The following VAT1L variants were observed in gnomAD, a reference collection of about 807,000 sequenced individuals.
VAT1L encodes vesicle amine transport 1 like.
Under a neutral mutation model 44.1 loss-of-function variants are expected in VAT1L, and 34 were observed. The observed-to-expected ratio is 0.77, with a 90% CI of 0.59 to 1.03. The LOEUF (loss-of-function observed/expected upper bound fraction) is 1.03. VAT1L is among the 50% of genes least tolerant of loss of function. The pLI is 0.00. For missense variants in VAT1L, 615 were observed against 538.8 expected, an observed-to-expected ratio of 1.14 and a Z score of -1.40; for synonymous variants, 253 against 202.2, an observed-to-expected ratio of 1.25 and a Z score of -2.13.
chr16:77,971,890 T>C lies in VAT1L; in HGVS notation c.1118T>C (p.Ile373Thr), dbSNP rs566884974. The C allele has an allele frequency of 2.8e-5, 45 of 1,613,794 alleles. No homozygotes were observed. Among genetic ancestry groups the C allele is most frequent in the Admixed American group, 3.3e-5 (2 of 59,978 alleles). ...AMQRIHDRGN[I>T]GKLILDVEKT... ...CAGCGGATTCACGACCGAGGGAACA[T>C]TGGCAAGTTAATTCTGGATGTAGAA... Residue 373 changes from isoleucine (I) to threonine (T), a missense_variant, in exon 8 of 9, where the codon ATT becomes ACT. Ile to Thr is a moderately conservative substitution (Grantham distance 89, BLOSUM62 -1). Coordinates refer to ENST00000302536, the MANE Select transcript of VAT1L (RefSeq NM_020927.3).
chr16:77,850,801 G>T (rs1393546774), intron 3 of VAT1L, among the ~76,000 whole-genome samples: 1 of 152,142 alleles, frequency 6.6e-6, no homozygotes, highest in African/African-American at 2.4e-5. Context: ...TGCACTACAT[G>T]GAAGGCAGCC....
At chr16:77,881,683 T>C (rs2017157188) in intron 6 of VAT1L, among the ~76,000 whole-genome samples, 1 of 152,228 alleles carries the variant, frequency 6.6e-6, no homozygotes, top group South Asian at 2.1e-4. Flanking sequence ...TCTTTGCATT[T>C]GGGCTTTAAA....
intron 2 of VAT1L, among the ~76,000 whole-genome samples, chr16:77,820,815 C>T (rs3909915): frequency 0.018 from 2,790 of 152,244 alleles, 91 homozygotes; most frequent in African/African-American, 0.061. Context: ...AGGCACTTAG[C>T]GCAGATTCAG....
At chr16:77,912,718 C>T (rs1267618526) in intron 7 of VAT1L, among the ~76,000 whole-genome samples, 2 of 152,168 alleles carry the variant, frequency 1.3e-5, no homozygotes, top group African/African-American at 4.8e-5. Flanking sequence ...TTGCCTTAGT[C>T]TGCTCAAGAT....
At chr16:77,801,962 G>A (rs1233556637) in intron 1 of VAT1L, among the ~76,000 whole-genome samples, 1 of 152,050 alleles carries the variant, frequency 6.6e-6, no homozygotes, top group Admixed American at 6.5e-5. Context: ...GATGCATGAC[G>A]CAGCCATCCA....
chr16:77,905,912 C>T (rs1035910678), intron 7 of VAT1L, among the ~76,000 whole-genome samples: 3 of 152,190 alleles, frequency 2.0e-5, no homozygotes, highest in African/African-American at 7.2e-5. Flanking sequence ...CTTATATTTA[C>T]TCCAGACTTA....
At chr16:77,891,043 A>G (rs968785676) in intron 7 of VAT1L, among the ~76,000 whole-genome samples, 4 of 151,920 alleles carry the variant, frequency 2.6e-5, no homozygotes, top group Non-Finnish European at 4.4e-5. Flanking sequence ...AGCTAATTTA[A>G]ATTAGGTCAA....
chr16:77,847,591 G>A lies in VAT1L; in HGVS notation c.580-15157G>A, dbSNP rs2145265050. Among the ~76,000 whole-genome samples, 4 of 152,326 alleles carry A rather than the reference G, an allele frequency of 2.6e-5. No individual in the cohort carries two copies. In the South Asian group the frequency reaches 8.3e-4, roughly 32 times the overall value. ...AGTGTGACGTGCAATACCACTTGCT[G>A]TGAGTACTAAATTGAGGCTGTTGCC... On this transcript the variant is annotated intron_variant, in intron 3 of 8. Transcript: ENST00000302536.
At chr16:77,834,352 G>T (rs1597057724) in intron 3 of VAT1L, among the ~76,000 whole-genome samples, 1 of 152,302 alleles carries the variant, frequency 6.6e-6, no homozygotes, top group African/African-American at 2.4e-5. Flanking sequence ...ATAAGCAGCT[G>T]CCCAGCCAGA....
At chr16:77,853,121 T>C (rs1357635003) in intron 3 of VAT1L, among the ~76,000 whole-genome samples, 2 of 152,178 alleles carry the variant, frequency 1.3e-5, no homozygotes, top group Non-Finnish European at 2.9e-5. Context: ...ATTGTCATCT[T>C]CCCAGTCACT....
chr16:77,898,112 C>G (rs2017343750), intron 7 of VAT1L, among the ~76,000 whole-genome samples: 1 of 152,170 alleles, frequency 6.6e-6, no homozygotes, highest in Admixed American at 6.5e-5. Context: ...CACATCACCT[C>G]TATCTCTGCC....
At position 77,926,033 on chromosome 16, in the gene VAT1L, C is replaced by T. The variant is rs12445559; in HGVS notation, c.1077+41231C>T. Among the ~76,000 whole-genome samples the T allele has an allele frequency of 3.4e-3, 523 of 151,734 alleles. 16 individuals carry two copies. The highest frequency in any genetic ancestry group is 0.028 in the Admixed American group (422 of 15,074). On this transcript the variant is annotated intron_variant, in intron 7 of 8. Coordinates refer to ENST00000302536, the MANE Select transcript of VAT1L (RefSeq NM_020927.3). ...ATCCTAGCACTTTGGGAGGCCGAGG[C>T]GGGTGGGTCACGAGGTCAGGAGATC...
chr16:77,798,873 C>G (rs562347463), intron 1 of VAT1L, among the ~76,000 whole-genome samples: 1 of 152,166 alleles, frequency 6.6e-6, no homozygotes, highest in East Asian at 1.9e-4. Flanking sequence ...AGGCCACCCC[C>G]TTACTCCCTC....
chr16:77,886,748 A>G (rs2017213409), intron 7 of VAT1L, among the ~76,000 whole-genome samples: 2 of 152,244 alleles, frequency 1.3e-5, no homozygotes, highest in African/African-American at 4.8e-5. Context: ...GTTCTTAGAA[A>G]GAGATAAATT....
intron 3 of VAT1L, among the ~76,000 whole-genome samples, chr16:77,828,150 G>C (rs113459880): frequency 6.6e-6 from 1 of 152,132 alleles, no homozygotes; most frequent in South Asian, 2.1e-4. Flanking sequence ...CCGCTGAGCC[G>C]GGATGGGTGG....
chr16:77,960,063 T>C (rs546398874), intron 7 of VAT1L, among the ~76,000 whole-genome samples: 2 of 152,176 alleles, frequency 1.3e-5, no homozygotes, highest in East Asian at 3.9e-4. Context: ...AGAGAAGCAC[T>C]CCCTGATCTT....
chr16:77,800,880 G>A (rs2966069), intron 1 of VAT1L: 113,575 of 152,124 alleles, frequency 0.75, 42,614 homozygotes, highest in Admixed American at 0.79. Flanking sequence ...CCAGGCTGGA[G>A]CCCACTGGTG....
chr16:77,830,008 C>G (rs1273421445), intron 3 of VAT1L, among the ~76,000 whole-genome samples: 1 of 152,090 alleles, frequency 6.6e-6, no homozygotes, highest in African/African-American at 2.4e-5. Flanking sequence ...CTTCCTGACC[C>G]CATTTGATGC....
rs756092702 is a variant in VAT1L, at chr16:77,977,825, G to C, written c.*130G>C. 14 of 881,002 alleles carry C rather than the reference G, an allele frequency of 1.6e-5. No individual in the cohort carries two copies. Among genetic ancestry groups the C allele is most frequent in the Non-Finnish European group, 2.5e-5 (14 of 565,614 alleles). 54.6% of individuals were successfully genotyped at this position (881,002 alleles called of 1,614,324 possible). On this transcript the variant is annotated 3_prime_UTR_variant, in exon 9 of 9. Transcript: ENST00000302536. ...GTCGTGTTTGTCTGCAGTCAGCTGA[G>C]CTAAAAAGCTGTTGATCACTGTTGT...
Sources: gnomAD v4.1 joint callset for allele counts (sites outside exome capture counted in the v4.1 genomes callset) on GRCh38, gnomAD v4.1.1 for gene constraint, MANE v1.5 for transcripts, NCBI Gene and HGNC (gene_info 2026-07-23, HGNC 2026-07-21) for gene names.